Variants in ZCWPW2 observed in about 807,000 individuals in gnomAD.
ZCWPW2 encodes the protein zinc finger CW-type PWWP domain protein 2.
A neutral mutation model predicts 46.6 loss-of-function variants in ZCWPW2; 45 were observed. The ratio of observed to expected loss-of-function variants is 0.96; its 90% CI spans 0.76 to 1.24. The LOEUF (loss-of-function observed/expected upper bound fraction) is 1.24, where lower values mean the gene tolerates loss of function less well. Ranked by LOEUF, ZCWPW2 falls within the 50% of genes most tolerant of loss-of-function variation. The pLI, the probability that ZCWPW2 is intolerant of heterozygous loss-of-function variation, is 0.00. For missense variants in ZCWPW2, 429 were observed against 403.9 expected, an observed-to-expected ratio of 1.06 and a Z score of -0.53; for synonymous variants, 152 against 137.1, an observed-to-expected ratio of 1.11 and a Z score of -0.76.
intron 5 of ZCWPW2, among the ~76,000 whole-genome samples, chr3:28,487,874 A>C (rs1699658989): frequency 6.6e-6 from 1 of 152,006 alleles, no homozygotes; most frequent in African/African-American, 2.4e-5. Context: ...GGATGGCTAG[A>C]CGGGGCTGGA....
chr3:28,387,308 G>T (rs1468398778), intron 1 of ZCWPW2, among the ~76,000 whole-genome samples: 2 of 151,976 alleles, frequency 1.3e-5, no homozygotes, highest in African/African-American at 4.8e-5. Flanking sequence ...TTCATGGAAG[G>T]ATTCCCCATC....
intron 2 of ZCWPW2, among the ~76,000 whole-genome samples, chr3:28,402,459 C>A (rs1474566700): frequency 6.6e-6 from 1 of 152,058 alleles, no homozygotes; most frequent in Non-Finnish European, 1.5e-5. Flanking sequence ...AGATTCACAG[C>A]AAAATTCTGC....
intron 3 of ZCWPW2, among the ~76,000 whole-genome samples, chr3:28,420,171 C>T (rs1309512928): frequency 6.6e-6 from 1 of 151,068 alleles, no homozygotes; most frequent in Non-Finnish European, 1.5e-5. Context: ...TATTTCTTGC[C>T]TTCTGCTAGC....
At chr3:28,366,081 A>T (rs1490169197) in intron 1 of ZCWPW2, among the ~76,000 whole-genome samples, 1 of 151,962 alleles carries the variant, frequency 6.6e-6, no homozygotes, top group African/African-American at 2.4e-5. Context: ...CAATCATGTC[A>T]TCTGCAAACA....
At chr3:28,351,253 T>A (rs556903814) in intron 1 of ZCWPW2, among the ~76,000 whole-genome samples, 41 of 148,838 alleles carry the variant, frequency 2.8e-4, no homozygotes, top group East Asian at 2.5e-3. Context: ...ATATAAAAAA[T>A]ATATATATAT....
At chr3:28,426,295 G>T (rs992538333) in intron 3 of ZCWPW2, among the ~76,000 whole-genome samples, 1 of 151,358 alleles carries the variant, frequency 6.6e-6, no homozygotes, top group African/African-American at 2.4e-5. Context: ...GAAGAGTCTG[G>T]ACTCTTTAGA....
intron 2 of ZCWPW2, among the ~76,000 whole-genome samples, chr3:28,399,985 G>T (rs1215800655): frequency 6.6e-6 from 1 of 152,022 alleles, no homozygotes; most frequent in Admixed American, 6.6e-5. Context: ...GCTAATCAGG[G>T]AGTCACCAGA....
intron 3 of ZCWPW2, among the ~76,000 whole-genome samples, chr3:28,430,542 G>A (rs149529658): frequency 0.023 from 3,519 of 152,326 alleles, 64 homozygotes; most frequent in Middle Eastern, 0.044. Flanking sequence ...TTGGAGGACT[G>A]TTGGAAGGGC....
At chr3:28,459,362 T>G (rs1219343159) in intron 4 of ZCWPW2, among the ~76,000 whole-genome samples, 1 of 151,440 alleles carries the variant, frequency 6.6e-6, no homozygotes, top group Admixed American at 6.6e-5. Flanking sequence ...AGAGCGAGAC[T>G]CTGTCTCCAA....
chr3:28,357,797 T>TTATATATATATATA lies in ZCWPW2; in HGVS notation c.-134+8604_-134+8617dup, dbSNP rs3068920. On this transcript the variant is annotated intron_variant, in intron 1 of 9. Coordinates refer to ENST00000383768, the MANE Select transcript of ZCWPW2 (RefSeq NM_001040432.4). ...ACATATAATATATAGTTGGTATATT[T>TTATATATATATATA]TATATATATATATATATATATATCT... Among the ~76,000 whole-genome samples, 146 of 140,396 alleles carry TTATATATATATATA rather than the reference T, an allele frequency of 1.0e-3. 1 individual carries two copies. Among genetic ancestry groups the TTATATATATATATA allele is most frequent in the African/African-American group, 3.6e-3 (137 of 37,684 alleles). The allele number at this position is 140,396 out of a possible 152,430, so 92.1% of individuals were successfully genotyped here.
chr3:28,517,565 G>T (rs900523787), intron 8 of ZCWPW2, among the ~76,000 whole-genome samples: 3 of 152,112 alleles, frequency 2.0e-5, no homozygotes, highest in Non-Finnish European at 4.4e-5. Flanking sequence ...TGAGAAATCT[G>T]CTCCCGTGAT....
intron 2 of ZCWPW2, among the ~76,000 whole-genome samples, chr3:28,397,222 G>A (rs1022755329): frequency 1.3e-5 from 2 of 151,906 alleles, no homozygotes; most frequent in Admixed American, 1.3e-4. Context: ...GATATACATT[G>A]TAATAAAAAT....
chr3:28,363,849 C>T (rs1235678673), intron 1 of ZCWPW2, among the ~76,000 whole-genome samples: 2 of 152,160 alleles, frequency 1.3e-5, no homozygotes, highest in African/African-American at 2.4e-5. Context: ...CCTCTGCCTC[C>T]TGACTGATCC....
chr3:28,516,075 A>G (rs1700559216), intron 8 of ZCWPW2, among the ~76,000 whole-genome samples: 4 of 151,856 alleles, frequency 2.6e-5, no homozygotes, highest in Admixed American at 2.6e-4. Flanking sequence ...ACCGGTCTCA[A>G]CTAAAAATAC....
At chr3:28,420,485 T>C (rs1286472695) in intron 3 of ZCWPW2, among the ~76,000 whole-genome samples, 1 of 152,086 alleles carries the variant, frequency 6.6e-6, no homozygotes, top group Non-Finnish European at 1.5e-5. Flanking sequence ...AGGCCCTGTG[T>C]CTTTTATTCC....
chr3:28,487,294 T>TTTC (rs1282796319), intron 5 of ZCWPW2, among the ~76,000 whole-genome samples: 1 of 152,140 alleles, frequency 6.6e-6, no homozygotes, highest in Non-Finnish European at 1.5e-5. Flanking sequence ...ATATTATTTT[T>TTTC]TTCAGTCTTT....
chr3:28,471,877 A>G (rs1475280488), intron 4 of ZCWPW2, among the ~76,000 whole-genome samples: 1 of 152,204 alleles, frequency 6.6e-6, no homozygotes, highest in Non-Finnish European at 1.5e-5. Flanking sequence ...AAATGCAGGA[A>G]AGTTGTAGGA....
intron 3 of ZCWPW2, among the ~76,000 whole-genome samples, chr3:28,430,907 T>G (rs1697229135): frequency 6.6e-6 from 1 of 152,236 alleles, no homozygotes; most frequent in South Asian, 2.1e-4. Context: ...CATGTGGAAC[T>G]GTGAGTTAAT....
chr3:28,506,390 A>G (rs1286180881), intron 6 of ZCWPW2, among the ~76,000 whole-genome samples: 2 of 151,958 alleles, frequency 1.3e-5, no homozygotes, highest in Non-Finnish European at 2.9e-5. Flanking sequence ...AAAAATTTGC[A>G]TTTCTATCAA....
Sources: allele counts gnomAD v4.1 joint callset (sites outside exome capture counted in the v4.1 genomes callset), GRCh38; gene constraint gnomAD v4.1.1; transcripts MANE v1.5; gene names NCBI Gene and HGNC (gene_info 2026-07-23, HGNC 2026-07-21).